Variants in CLIP4 observed in about 807,000 individuals in gnomAD.
The protein encoded by CLIP4 is CAP-Gly domain-containing linker protein 4.
Under a neutral mutation model 73.1 loss-of-function variants are expected in CLIP4, and 47 were observed. The observed-to-expected ratio is 0.64, with a 90% CI of 0.51 to 0.82. CLIP4 has a LOEUF of 0.82. Ranked by LOEUF, CLIP4 falls within the 40% of genes least tolerant of loss-of-function variation. The probability of loss-of-function intolerance (pLI) is 0.00; values close to 1 mark genes in which losing one functional copy is unlikely to be tolerated. For missense variants in CLIP4, 874 were observed against 852.9 expected (o/e 1.02, Z -0.31); for synonymous variants, 306 against 295.4 (o/e 1.04, Z -0.37).
chr2:29,107,358 G>T (rs1323729881), intron 1 of CLIP4, among the ~76,000 whole-genome samples: 89 of 65,324 alleles, frequency 1.4e-3, no homozygotes, highest in African/African-American at 3.4e-3. Context: ...GAACATGATA[G>T]TTTTTTTTTT....
chr2:29,165,694 G>A (rs552438967), intron 13 of CLIP4, among the ~76,000 whole-genome samples: 61 of 152,258 alleles, frequency 4.0e-4, no homozygotes, highest in African/African-American at 1.4e-3. Context: ...TTGTTTCCTA[G>A]TCATGAGGAC....
At chr2:29,104,430 C>T (rs1298686170) in intron 1 of CLIP4, among the ~76,000 whole-genome samples, 1 of 151,894 alleles carries the variant, frequency 6.6e-6, no homozygotes, top group Admixed American at 6.5e-5. Context: ...CACATGCCAC[C>T]ACGCCCAGCT....
chr2:29,126,107 G>T (rs994327066), intron 2 of CLIP4, among the ~76,000 whole-genome samples: 1 of 152,198 alleles, frequency 6.6e-6, no homozygotes, highest in Admixed American at 6.5e-5. Context: ...AACCAGGGAG[G>T]CAGAGGTTGC....
At chr2:29,123,105 A>G (rs1410004829) in intron 2 of CLIP4, among the ~76,000 whole-genome samples, 1 of 152,242 alleles carries the variant, frequency 6.6e-6, no homozygotes, top group Admixed American at 6.5e-5. Flanking sequence ...AGTTTGATAC[A>G]TGGCACAAAT....
chr2:29,143,412 T>TTTTTTC (rs58842734), intron 6 of CLIP4, among the ~76,000 whole-genome samples: 7 of 145,674 alleles, frequency 4.8e-5, no homozygotes, highest in Admixed American at 6.8e-5. Flanking sequence ...TTTTTTTTTT[T>TTTTTTC]CCCTCCAGGC....
chr2:29,160,496 G>T, intron 12 of CLIP4, 29 bp downstream of exon 12: 1 of 1,607,314 alleles, frequency 6.2e-7, no homozygotes, highest in South Asian at 1.1e-5. Context: ...TTCTTAACTT[G>T]AATTCTTTAG....
chr2:29,146,945 C>T (rs989923532), intron 8 of CLIP4, among the ~76,000 whole-genome samples: 1 of 152,150 alleles, frequency 6.6e-6, no homozygotes, highest in Non-Finnish European at 1.5e-5. Context: ...AGTTTCCTTT[C>T]ATCACACACT....
intron 1 of CLIP4, among the ~76,000 whole-genome samples, chr2:29,116,277 A>T (rs1386270708): frequency 6.6e-6 from 1 of 152,156 alleles, no homozygotes; most frequent in East Asian, 1.9e-4. Context: ...TTTGAATTAG[A>T]TGTCAGGCTG....
At chr2:29,119,996 T>A (rs1464156617) in intron 1 of CLIP4, among the ~76,000 whole-genome samples, 1 of 152,198 alleles carries the variant, frequency 6.6e-6, no homozygotes, top group Non-Finnish European at 1.5e-5. Context: ...TAGAATAGTG[T>A]CTTGTATATA....
rs1663776276 is a variant in CLIP4, at chr2:29,115,894, A to C, written c.-16+229A>C. On this transcript the variant is annotated intron_variant, in intron 1 of 15. Transcript: ENST00000320081. This position sits in a 1 kb window ranked among gnomAD's most constrained non-coding sequence, Gnocchi z 5.1. ...AGCGGCCCACCCGGCGGGGATGGGGACTCCTCGTGGCGGCCGCTGACGGAC... is the reference window on the plus strand; with the variant it reads ...AGCGGCCCACCCGGCGGGGATGGGGCCTCCTCGTGGCGGCCGCTGACGGAC... Among the ~76,000 whole-genome samples the C allele has an allele frequency of 6.6e-6, 1 of 151,102 alleles. No individual in the cohort carries two copies. The highest frequency in any genetic ancestry group is 2.0e-4 in the East Asian group (1 of 5,064).
chr2:29,137,818 T>G (rs987652941), intron 6 of CLIP4, among the ~76,000 whole-genome samples: 2 of 152,246 alleles, frequency 1.3e-5, no homozygotes, highest in African/African-American at 4.8e-5. Context: ...TGTCTTCTTT[T>G]GAGAAGTGTC....
intron 14 of CLIP4, among the ~76,000 whole-genome samples, chr2:29,169,992 A>G (rs914607295): frequency 6.6e-6 from 1 of 152,184 alleles, no homozygotes; most frequent in Admixed American, 6.5e-5. Flanking sequence ...GCTCCTGCAC[A>G]TGAGTGAGAA....
At chr2:29,137,908 A>C (rs1665484487) in intron 6 of CLIP4, among the ~76,000 whole-genome samples, 1 of 152,038 alleles carries the variant, frequency 6.6e-6, no homozygotes, top group Admixed American at 6.5e-5. Flanking sequence ...TCTGGATATT[A>C]GTCCTTTGTT....
chr2:29,106,876 C>T (rs1381962166), intron 1 of CLIP4, among the ~76,000 whole-genome samples: 1 of 152,078 alleles, frequency 6.6e-6, no homozygotes. Context: ...ATAGCTTATT[C>T]TTCTTGTGTT....
At chr2:29,155,767 C>T (rs1057147199) in intron 9 of CLIP4, among the ~76,000 whole-genome samples, 1 of 152,170 alleles carries the variant, frequency 6.6e-6, no homozygotes, top group Non-Finnish European at 1.5e-5. Flanking sequence ...TGCTTCCAGC[C>T]TCTCCCGCTG....
intron 1 of CLIP4, among the ~76,000 whole-genome samples, chr2:29,108,531 C>T (rs1037450136): frequency 2.0e-5 from 3 of 152,228 alleles, no homozygotes; most frequent in Non-Finnish European, 4.4e-5. Context: ...TTAATATTTT[C>T]AGACTGTGGT....
At chr2:29,129,076 C>T (rs150747681) in intron 2 of CLIP4, among the ~76,000 whole-genome samples, 22 of 152,204 alleles carry the variant, frequency 1.4e-4, no homozygotes, top group East Asian at 5.8e-4. Context: ...GGATTACTTA[C>T]GAAAATTTCA....
rs112492217 is a variant in CLIP4, at chr2:29,098,638, G to A, written c.-16+691G>A. On this transcript the variant is annotated intron_variant, in intron 1 of 14. Coordinates refer to the CLIP4 transcript ENST00000401605. ...CTGAGGAATGTCTTGGTTGTTTCCA[G>A]TTTTGTCAATTATGAAAAAAGCTCC... 2.0e-3 allele frequency among the ~76,000 whole-genome samples: 302 copies of A among 152,242 alleles called. 2 individuals are homozygous for A. The highest frequency in any genetic ancestry group is 6.6e-3 in the African/African-American group (276 of 41,544).
chr2:29,107,374 T>TTTTG (rs1668252160), intron 1 of CLIP4, among the ~76,000 whole-genome samples: 5 of 122,432 alleles, frequency 4.1e-5, no homozygotes, highest in Admixed American at 8.3e-5. Context: ...TTTTTTTTTT[T>TTTTG]TTTTTTTTTT....
Sources: allele counts gnomAD v4.1 joint callset (sites outside exome capture counted in the v4.1 genomes callset), GRCh38; gene constraint gnomAD v4.1.1; non-coding constraint Gnocchi (gnomAD v3.1); transcripts MANE v1.5; gene names NCBI Gene and HGNC (gene_info 2026-07-23, HGNC 2026-07-21).